Variants in ZNF608 observed in about 807,000 individuals in gnomAD.
ZNF608 encodes renal carcinoma antigen NY-REN-36.
Under a neutral mutation model 109.0 loss-of-function variants are expected in ZNF608, and 12 were observed. The observed-to-expected ratio is 0.11, with a 90% CI of 0.07 to 0.18. The LOEUF (loss-of-function observed/expected upper bound fraction) is 0.18, where lower values mean the gene tolerates loss of function less well. Ranked by LOEUF, ZNF608 falls within the 10% of genes least tolerant of loss-of-function variation. The pLI, the probability that ZNF608 is intolerant of heterozygous loss-of-function variation, is 1.00. For missense variants in ZNF608, 1,707 were observed against 1,879.3 expected, an observed-to-expected ratio of 0.91 and a Z score of 1.70; for synonymous variants, 732 against 717.4, an observed-to-expected ratio of 1.02 and a Z score of -0.33.
Position 124,744,330 on chromosome 5 carries a change from G to A in ZNF608, c.660C>T (p.Gly220=), listed in dbSNP as rs1482911787. ...CCTGGCTGCCACTGCCATTCTGGTG[G>A]CCCTGAAGCAGGTCGTGCTTGTCCT... ...SRKDKHDLLQ[G]HQNGSGSQAP... Residue 220 remains glycine (G), a synonymous_variant, in exon 2 of 10, where the codon GGC becomes GGT. Coordinates refer to ENST00000513986, the MANE Select transcript of ZNF608 (RefSeq NM_020747.3). This position sits in a 1 kb window ranked among gnomAD's most constrained non-coding sequence, Gnocchi z 4.5. 4.3e-6 allele frequency: 7 copies of A among 1,614,090 alleles called. No homozygotes were observed. In the Admixed American group the frequency reaches 1.2e-4, roughly 27 times the overall value.
At chr5:124,739,102 C>T (rs535506812) in intron 2 of ZNF608, among the ~76,000 whole-genome samples, 1 of 152,282 alleles carries the variant, frequency 6.6e-6, no homozygotes, top group Admixed American at 6.5e-5. Flanking sequence ...TTTGTCAGAA[C>T]CCAAGCAGAT....
intron 3 of ZNF608, among the ~76,000 whole-genome samples, chr5:124,691,621 T>C (rs1314148426): frequency 2.0e-5 from 3 of 152,194 alleles, no homozygotes; most frequent in African/African-American, 4.8e-5. Flanking sequence ...ATGCGGAATA[T>C]ACACACACTG....
At chr5:124,746,817 G>A, upstream of ZNF608, 1 of 975,694 alleles carries the variant, frequency 1.0e-6, no homozygotes, top group Non-Finnish European at 1.2e-6. Flanking sequence ...GGAGTAGAGG[G>A]AGGAGGAGGA....
intron 2 of ZNF608, among the ~76,000 whole-genome samples, chr5:124,701,668 A>G (rs987481866): frequency 9.2e-5 from 14 of 152,238 alleles, no homozygotes; most frequent in African/African-American, 3.4e-4. Flanking sequence ...TAAACACTAA[A>G]AATTTAAGTA....
At chr5:124,743,595 C>A (rs1749511186) in intron 2 of ZNF608, among the ~76,000 whole-genome samples, 2 of 152,282 alleles carry the variant, frequency 1.3e-5, no homozygotes, top group South Asian at 2.1e-4. Context: ...AAATTCGAAT[C>A]CTCGACATTC....
intron 3 of ZNF608, among the ~76,000 whole-genome samples, chr5:124,657,083 A>G (rs1032985756): frequency 6.6e-6 from 1 of 152,226 alleles, no homozygotes; most frequent in African/African-American, 2.4e-5. Context: ...CTGGTCAGCT[A>G]AAAGAAGCCC....
rs1231019797 is a variant in ZNF608 at position 124,647,919 on chromosome 5, T to A, written c.2465A>T (p.Lys822Ile). The change falls in exon 5 of 10, where the codon AAA (lysine) becomes ATA (isoleucine). Residue 822 changes from lysine to isoleucine, a missense_variant. Physicochemically the swap from Lys to Ile is moderately radical, Grantham distance 102 (BLOSUM62 -3). Coordinates refer to ENST00000513986, the MANE Select transcript of ZNF608 (RefSeq NM_020747.3). ...TGGGCTTCCCGTCTCTTTCCCTTCT[T>A]TGTCCTTTAGCTTTCGCTTCTCCTT... is the stretch of plus-strand genomic sequence containing the variant. ...KKKEKRKLKD[K>I]EGKETGSPKM... The A allele has an allele frequency of 1.2e-6, 2 of 1,614,202 alleles. No homozygotes were observed. Among genetic ancestry groups the A allele is most frequent in the Admixed American group, 3.3e-5 (2 of 60,036 alleles).
intron 3 of ZNF608, among the ~76,000 whole-genome samples, chr5:124,682,106 CTT>C (rs1347949961): frequency 6.6e-6 from 1 of 152,180 alleles, no homozygotes; most frequent in Admixed American, 6.5e-5. Flanking sequence ...GAGTTTCGCT[CTT>C]GTTTCCCAGG....
intron 3 of ZNF608, among the ~76,000 whole-genome samples, chr5:124,691,055 A>G (rs889389348): frequency 3.3e-5 from 5 of 152,214 alleles, no homozygotes; most frequent in Admixed American, 1.3e-4. Context: ...CAAGAGGCCA[A>G]GATGGTAGGA....
intron 2 of ZNF608, 126 bp downstream of exon 2, chr5:124,743,958 T>C: frequency 7.4e-7 from 1 of 1,356,762 alleles, no homozygotes; most frequent in Non-Finnish European, 9.9e-7. Context: ...AAAGGATGCA[T>C]ATCATAGAAA....
At chr5:124,692,341 C>G (rs928994529) in intron 3 of ZNF608, among the ~76,000 whole-genome samples, 3 of 152,190 alleles carry the variant, frequency 2.0e-5, no homozygotes, top group African/African-American at 7.2e-5. Context: ...CGAATTTATT[C>G]AACATTCAAC....
chr5:124,701,412 C>A, intron 2 of ZNF608, 143 bp from the exon 3 acceptor site: 1 of 1,084,544 alleles, frequency 9.2e-7, no homozygotes, highest in Non-Finnish European at 1.3e-6. Context: ...TTAATGGTGC[C>A]AAAATATAAA....
Position 124,647,197 on chromosome 5 carries a change from G to T in ZNF608, c.3187C>A (p.His1063Asn). The change falls in exon 5 of 10, where the codon CAC (histidine) becomes AAC (asparagine). Residue 1063 changes from histidine to asparagine, a missense_variant. By Grantham distance (68) the His-to-Asn change is moderately conservative (BLOSUM62 1). Around this residue, in one of 7 missense-constraint regions of ZNF608, gnomAD observed 1,073 missense variants for 1,133.5 expected, o/e 0.95. Coordinates refer to ENST00000513986, the MANE Select transcript of ZNF608 (RefSeq NM_020747.3). ...DHNSASLQPQ[H>N]QSVITQRHPA... ...TGTCTTTGTGTGATCACCGACTGGT[G>T]CTGAGGCTGTAAGGATGCAGAATTG... The T allele has an allele frequency of 6.2e-7, 1 of 1,614,210 alleles. No homozygotes were observed. The highest frequency in any genetic ancestry group is 8.5e-7 in the Non-Finnish European group (1 of 1,180,044).
At chr5:124,678,132 T>C (rs1447593670) in intron 3 of ZNF608, among the ~76,000 whole-genome samples, 1 of 152,150 alleles carries the variant, frequency 6.6e-6, no homozygotes, top group Non-Finnish European at 1.5e-5. Context: ...GCTTGTAAAG[T>C]TCAATTAGAG....
chr5:124,637,144 G>A lies in ZNF608; in HGVS notation c.*756C>T, dbSNP rs925641003. The A allele has an allele frequency of 6.7e-6, 1 of 150,318 alleles. No individual in the cohort carries two copies. The highest frequency in any genetic ancestry group is 1.5e-5 in the Non-Finnish European group (1 of 67,790). The allele number at this position is 150,318 out of a possible 1,614,324, so 9.3% of individuals were successfully genotyped here. On this transcript the variant is annotated 3_prime_UTR_variant, in exon 10 of 10. Transcript: ENST00000513986. ...TTCAAGTAATAGAACAATCACAGAT[G>A]TCTCTGGTACGCAGGCTATTGGGTT...
chr5:124,694,466 C>A (rs1160689611), intron 3 of ZNF608, among the ~76,000 whole-genome samples: 1 of 151,962 alleles, frequency 6.6e-6, no homozygotes, highest in Non-Finnish European at 1.5e-5. Context: ...ATTTGGGTTG[C>A]CTTTTCCATG....
At chr5:124,736,098 A>G (rs1269886546) in intron 2 of ZNF608, among the ~76,000 whole-genome samples, 1 of 152,092 alleles carries the variant, frequency 6.6e-6, no homozygotes, top group African/African-American at 2.4e-5. Context: ...CTCAAGGGAT[A>G]GTTTCTATTT....
At chr5:124,666,082 T>C (rs1403257737) in intron 3 of ZNF608, among the ~76,000 whole-genome samples, 1 of 152,228 alleles carries the variant, frequency 6.6e-6, no homozygotes, top group Non-Finnish European at 1.5e-5. Context: ...ACAATGAAGG[T>C]TAGGAGGCAT....
intron 2 of ZNF608, among the ~76,000 whole-genome samples, chr5:124,735,669 C>T (rs1050234462): frequency 1.3e-5 from 2 of 152,198 alleles, no homozygotes; most frequent in Non-Finnish European, 2.9e-5. Context: ...CAGCTGCTCC[C>T]TTTCTACTTC....
Sources: allele counts gnomAD v4.1 joint callset (sites outside exome capture counted in the v4.1 genomes callset), GRCh38; gene constraint gnomAD v4.1.1; regional missense constraint gnomAD v4.1.1; non-coding constraint Gnocchi (gnomAD v3.1); transcripts MANE v1.5; gene names NCBI Gene and HGNC (gene_info 2026-07-23, HGNC 2026-07-21).